Variants in EP300 observed in about 807,000 individuals in gnomAD.
EP300 encodes the protein histone acetyltransferase p300.
In EP300, 31 loss-of-function variants were observed where a neutral mutation model predicts 264.0. The observed-to-expected ratio is 0.12, with a 90% CI of 0.09 to 0.16. EP300 has a LOEUF of 0.16. Among genes scored for constraint, EP300 ranks in the 10% least tolerant of loss-of-function variants. The pLI, the probability that EP300 is intolerant of heterozygous loss-of-function variation, is 1.00. For synonymous variants in EP300, 1,340 were observed against 1,045.4 expected (o/e 1.28, Z -5.44); for missense variants, 2,766 against 3,052.9 (o/e 0.91, Z 2.21).
At chr22:41,142,610 G>T (rs2058989120) in intron 10 of EP300, among the ~76,000 whole-genome samples, 1 of 152,160 alleles carries the variant, frequency 6.6e-6, no homozygotes, top group African/African-American at 2.4e-5. Flanking sequence ...GACAGGCTGG[G>T]TGCGGTGGTT....
chr22:41,099,902 T>C (rs1036747101), intron 1 of EP300, among the ~76,000 whole-genome samples: 3 of 152,068 alleles, frequency 2.0e-5, no homozygotes, highest in Admixed American at 1.3e-4. Flanking sequence ...TCAGGTGAGA[T>C]TTCATCAGGC....
chr22:41,099,087 C>T (rs1195428177), intron 1 of EP300, among the ~76,000 whole-genome samples: 1 of 152,012 alleles, frequency 6.6e-6, no homozygotes, highest in African/African-American at 2.4e-5. Context: ...TGATTTGCAA[C>T]GAAGTCTTGC....
Position 41,177,276 on chromosome 22 carries a change from A to G in EP300, c.5565A>G (p.Pro1855=), listed in dbSNP as rs150532830. The G allele has an allele frequency of 2.5e-5, 40 of 1,613,742 alleles. No homozygotes were observed. In the African/African-American group the frequency reaches 4.7e-4, roughly 19 times the overall value. The change falls in exon 31 of 31, where the codon CCA becomes CCG. Residue 1855 remains proline (P), a synonymous_variant. Transcript: ENST00000263253. ...QGLPSPTPAT[P]TTPTGQQPTT... ...TCCCTTCCCCCACTCCTGCCACTCCAACGACACCAACTGGCCAACAGCCAA... is the reference window on the plus strand; with the variant it reads ...TCCCTTCCCCCACTCCTGCCACTCCGACGACACCAACTGGCCAACAGCCAA...
chr22:41,130,553 CAAA>C (rs887249753), intron 5 of EP300, among the ~76,000 whole-genome samples: 1 of 147,492 alleles, frequency 6.8e-6, no homozygotes. Context: ...CAAAACAAAA[CAAA>C]AAAAACAACT....
At chr22:41,155,253 G>A in intron 17 of EP300, 140 bp downstream of exon 17, 1 of 776,446 alleles carries the variant, frequency 1.3e-6, no homozygotes, top group Non-Finnish European at 2.2e-6. Context: ...CCTGAGACAG[G>A]GTCTTATTCT....
At chr22:41,106,943 G>A (rs2058761231) in intron 1 of EP300, among the ~76,000 whole-genome samples, 1 of 152,102 alleles carries the variant, frequency 6.6e-6, no homozygotes, top group Non-Finnish European at 1.5e-5. Flanking sequence ...ATCTCGCACT[G>A]TCACCCAGGC....
At chr22:41,108,774 T>G (rs1380873223) in intron 1 of EP300, among the ~76,000 whole-genome samples, 1 of 152,230 alleles carries the variant, frequency 6.6e-6, no homozygotes, top group African/African-American at 2.4e-5. Context: ...GTGATGTTGA[T>G]TGGTTGATAC....
intron 1 of EP300, among the ~76,000 whole-genome samples, chr22:41,095,776 A>G (rs1056770558): frequency 6.6e-6 from 1 of 152,208 alleles, no homozygotes; most frequent in Admixed American, 6.5e-5. Context: ...TTTTTTAAAA[A>G]AAGTGATTTA....
chr22:41,093,210 A>G lies in EP300; in HGVS notation c.94+112A>G, dbSNP rs2058683743. 4.6e-6 allele frequency: 5 copies of G among 1,093,142 alleles called. No homozygotes were observed. In the South Asian group the frequency reaches 6.9e-5, roughly 15 times the overall value. 67.7% of individuals were successfully genotyped at this position (1,093,142 alleles called of 1,614,324 possible). Reference sequence around the variant, plus strand: ...TCTCTCTCTAGTTCCCTGCCCCTTAATTAATTTTAAAGGTATTTGAATGAG... The same window carrying G: ...TCTCTCTCTAGTTCCCTGCCCCTTAGTTAATTTTAAAGGTATTTGAATGAG... On this transcript the variant is annotated intron_variant, in intron 1 of 30. Transcript: ENST00000263253.
intron 1 of EP300, among the ~76,000 whole-genome samples, chr22:41,098,203 TAATA>T (rs1381134451): frequency 1.3e-5 from 2 of 152,134 alleles, no homozygotes; most frequent in African/African-American, 4.8e-5. Context: ...TTTTTTCGCT[TAATA>T]GACGGTAGTT....
intron 6 of EP300, among the ~76,000 whole-genome samples, chr22:41,133,860 C>T (rs1481286194): frequency 3.9e-5 from 6 of 152,280 alleles, no homozygotes; most frequent in African/African-American, 1.4e-4. Context: ...CTCCTGTTTT[C>T]AAAACTGTTG....
Position 41,177,822 on chromosome 22 carries a change from T to TATC in EP300, c.6113_6115dup (p.Ile2038dup). 6.2e-7 allele frequency: 1 copy of TATC among 1,614,016 alleles called. No homozygotes were observed. Among genetic ancestry groups the TATC allele is most frequent in the Non-Finnish European group, 8.5e-7 (1 of 1,179,976 alleles). ...CACAACCAGGATTGGGCCAGGTAGG[T>TATC]ATCAGCCCACTCAAACCAGGCACTG... On this transcript the variant is annotated inframe_insertion, in exon 31 of 31. Coordinates refer to ENST00000263253, the MANE Select transcript of EP300 (RefSeq NM_001429.4).
intron 2 of EP300, among the ~76,000 whole-genome samples, chr22:41,118,784 T>C (rs1021281928): frequency 2.3e-5 from 3 of 132,442 alleles, no homozygotes; most frequent in African/African-American, 8.1e-5. Context: ...TGACCCCATC[T>C]TCTATTTAAG....
chr22:41,137,622 A>G (rs560884694), intron 7 of EP300, 31 bp from the exon 8 acceptor site: 4 of 1,614,058 alleles, frequency 2.5e-6, no homozygotes, highest in Non-Finnish European at 2.5e-6. Context: ...ACCTTTCTTC[A>G]CTAAAACTAT....
Position 41,137,786 on chromosome 22 carries a change from A to G in EP300, c.1756A>G (p.Lys586Glu), listed in dbSNP as rs2058960398. ...TQDLRNHLVH[K>E]LVQAIFPTPD... ...GGATCTTCGAAATCATCTTGTTCACAAACTGTAAGTAAGATTGTGGACACG... is the reference window on the plus strand; with the variant it reads ...GGATCTTCGAAATCATCTTGTTCACGAACTGTAAGTAAGATTGTGGACACG... The change falls in exon 8 of 31, where the codon AAA becomes GAA. Residue 586 changes from lysine to glutamate, a missense_variant. Transcript: ENST00000263253. The G allele has an allele frequency of 6.2e-7, 1 of 1,614,086 alleles. No individual in the cohort carries two copies. The highest frequency in any genetic ancestry group is 1.3e-5 in the African/African-American group (1 of 74,932).
chr22:41,141,323 G>GT, intron 10 of EP300, 101 bp downstream of exon 10: 3 of 1,320,020 alleles, frequency 2.3e-6, no homozygotes, highest in South Asian at 1.3e-5. Flanking sequence ...CTATTCTAGA[G>GT]TTTTTTAAAT....
chr22:41,126,276 C>G (rs1405479805), intron 3 of EP300: 1 of 494,466 alleles, frequency 2.0e-6, no homozygotes, highest in African/African-American at 1.9e-5. Flanking sequence ...AGTAAGTGAA[C>G]TGCTACAATG....
chr22:41,124,662 A>G (rs1046608108), intron 2 of EP300, among the ~76,000 whole-genome samples: 1 of 152,206 alleles, frequency 6.6e-6, no homozygotes, highest in Non-Finnish European at 1.5e-5. Flanking sequence ...AAGAAGAAGA[A>G]GAAAACATTC....
intron 12 of EP300, among the ~76,000 whole-genome samples, chr22:41,148,202 C>G (rs1601618308): frequency 6.6e-6 from 1 of 152,256 alleles, no homozygotes; most frequent in African/African-American, 2.4e-5. Flanking sequence ...GTCTGTCTTC[C>G]CTCCTCCAGG....
Sources: allele counts gnomAD v4.1 joint callset (sites outside exome capture counted in the v4.1 genomes callset), GRCh38; gene constraint gnomAD v4.1.1; transcripts MANE v1.5; gene names NCBI Gene and HGNC (gene_info 2026-07-23, HGNC 2026-07-21).